Variants in SUFU observed in about 807,000 individuals in gnomAD.
The protein encoded by SUFU is suppressor of fused homolog.
A neutral mutation model predicts 58.9 loss-of-function variants in SUFU; 7 were observed. The observed-to-expected ratio is 0.12, with a 90% CI of 0.07 to 0.22. The LOEUF (loss-of-function observed/expected upper bound fraction) is 0.22, where lower values mean the gene tolerates loss of function less well. SUFU is among the 10% of genes least tolerant of loss of function. The pLI is 1.00. For synonymous variants in SUFU, 232 were observed against 254.8 expected, an observed-to-expected ratio of 0.91 and a Z score of 0.85; for missense variants, 451 against 641.3, an observed-to-expected ratio of 0.70 and a Z score of 3.20.
chr10:102,608,783 A>G (rs564972468), intron 8 of SUFU, among the ~76,000 whole-genome samples: 3 of 152,338 alleles, frequency 2.0e-5, no homozygotes, highest in African/African-American at 7.2e-5. Context: ...TGGCTTACAC[A>G]AAATGAAACC....
At chr10:102,599,642 C>T in intron 8 of SUFU, 98 bp downstream of exon 8, 1 of 1,055,864 alleles carries the variant, frequency 9.5e-7, no homozygotes, top group South Asian at 1.3e-5. Context: ...TGCACATAGC[C>T]CTTGCTGGAT....
intron 4 of SUFU, among the ~76,000 whole-genome samples, chr10:102,593,417 G>A (rs2063424401): frequency 6.6e-6 from 1 of 152,168 alleles, no homozygotes; most frequent in African/African-American, 2.4e-5. Flanking sequence ...GCAAGGGCAA[G>A]GGTCAGGCCT....
intron 2 of SUFU, among the ~76,000 whole-genome samples, chr10:102,545,860 G>A (rs2062849670): frequency 1.3e-5 from 2 of 152,188 alleles, no homozygotes; most frequent in Admixed American, 1.3e-4. Flanking sequence ...TGTAATCCCA[G>A]CTACTCAGGA....
At chr10:102,594,883 T>A (rs2063445838) in intron 6 of SUFU, among the ~76,000 whole-genome samples, 1 of 152,106 alleles carries the variant, frequency 6.6e-6, no homozygotes, top group African/African-American at 2.4e-5. Flanking sequence ...CACGCCCAGA[T>A]AATTTTTTGT....
chr10:102,591,793 T>G (rs1416493771), intron 3 of SUFU, among the ~76,000 whole-genome samples: 1 of 152,126 alleles, frequency 6.6e-6, no homozygotes, highest in Admixed American at 6.5e-5. Flanking sequence ...GTGAGAGACT[T>G]AGTACCCTGT....
intron 8 of SUFU, among the ~76,000 whole-genome samples, chr10:102,608,364 A>G (rs946789054): frequency 6.6e-6 from 1 of 152,138 alleles, no homozygotes. Flanking sequence ...CTAAAAAAGA[A>G]AAAAGAAAAA....
chr10:102,506,215 A>G (rs2062324997), intron 1 of SUFU, among the ~76,000 whole-genome samples: 1 of 152,172 alleles, frequency 6.6e-6, no homozygotes, highest in Non-Finnish European at 1.5e-5. Flanking sequence ...AGCATGTGCA[A>G]AGGACTAAGG....
chr10:102,556,886 T>C (rs2062986172), intron 3 of SUFU, among the ~76,000 whole-genome samples: 1 of 151,678 alleles, frequency 6.6e-6, no homozygotes, highest in African/African-American at 2.4e-5. Flanking sequence ...GGTTAGGAGT[T>C]CGAAACCAGC....
intron 2 of SUFU, among the ~76,000 whole-genome samples, chr10:102,549,058 T>C (rs2062882355): frequency 6.6e-6 from 1 of 152,054 alleles, no homozygotes; most frequent in African/African-American, 2.4e-5. Flanking sequence ...CCACCCAGTA[T>C]TTGGAATCTG....
At chr10:102,505,021 T>C (rs2135601244) in intron 1 of SUFU, among the ~76,000 whole-genome samples, 1 of 152,328 alleles carries the variant, frequency 6.6e-6, no homozygotes, top group African/African-American at 2.4e-5. Flanking sequence ...AGCTTCCTCC[T>C]AGCTCTGCAG....
chr10:102,575,083 G>T (rs1177719428), intron 3 of SUFU, among the ~76,000 whole-genome samples: 1 of 151,784 alleles, frequency 6.6e-6, no homozygotes, highest in Non-Finnish European at 1.5e-5. Context: ...AGGCATGGTG[G>T]TGTGCCTGTA....
chr10:102,530,174 C>T (rs1021940867), intron 2 of SUFU, among the ~76,000 whole-genome samples: 2 of 152,098 alleles, frequency 1.3e-5, no homozygotes, highest in African/African-American at 2.4e-5. Context: ...GCTTCCACAG[C>T]GTGTATTCTC....
At chr10:102,580,363 A>G (rs928854949) in intron 3 of SUFU, among the ~76,000 whole-genome samples, 1 of 152,136 alleles carries the variant, frequency 6.6e-6, no homozygotes, top group African/African-American at 2.4e-5. Flanking sequence ...CTGTTTATAC[A>G]TCATTGTATT....
Position 102,619,327 on chromosome 10 carries a change from C to T in SUFU, c.1296+1899C>T, listed in dbSNP as rs2063720111. The T allele has an allele frequency of 2.8e-6, 4 of 1,431,794 alleles. No individual in the cohort carries two copies. Among genetic ancestry groups the T allele is most frequent in the Non-Finnish European group, 3.6e-6 (4 of 1,096,306 alleles). The allele number at this position is 1,431,794 out of a possible 1,614,324, so 88.7% of individuals were successfully genotyped here. A position where few individuals can be genotyped will look rare whatever the true frequency, so the allele number is the denominator to read the frequency against. On this transcript the variant is annotated intron_variant, in intron 10 of 11. Coordinates refer to ENST00000369902, the MANE Select transcript of SUFU (RefSeq NM_016169.4). The surrounding 1 kb of genome is among the most constrained non-coding windows in gnomAD (Gnocchi z 4.2). Reference sequence around the variant, plus strand: ...CCTCCCTGGCAGCCCCTCAGCGAGCCTGAGGCCCAGCACCCGCTGGCTCCC... The same window carrying T: ...CCTCCCTGGCAGCCCCTCAGCGAGCTTGAGGCCCAGCACCCGCTGGCTCCC...
intron 8 of SUFU, among the ~76,000 whole-genome samples, chr10:102,601,900 TAGTC>T (rs1241093719): frequency 8.5e-5 from 13 of 152,202 alleles, no homozygotes; most frequent in Non-Finnish European, 7.3e-5. Context: ...GATTTCCCCT[TAGTC>T]AGGACTTCTG....
intron 8 of SUFU, among the ~76,000 whole-genome samples, chr10:102,601,842 T>A (rs1229186944): frequency 6.6e-6 from 1 of 152,202 alleles, no homozygotes. Flanking sequence ...TTTGCTCCTC[T>A]CCCTGTTGGG....
At chr10:102,562,352 G>A (rs1173291619) in intron 3 of SUFU, among the ~76,000 whole-genome samples, 2 of 151,906 alleles carry the variant, frequency 1.3e-5, no homozygotes, top group Non-Finnish European at 2.9e-5. Context: ...GTGGAACCAC[G>A]TCTCTACTAA....
Position 102,549,966 on chromosome 10 carries a change from T to C in SUFU, c.318-4T>C. ...TTAAAACACTTGCTTTTTATGTCTT[T>C]CAGGTTTACAGGAACAGATGGACCT... On this transcript the variant is annotated splice_region_variant and splice_polypyrimidine_tract_variant and intron_variant, in intron 2 of 11. Transcript: ENST00000369902. The C allele has an allele frequency of 6.2e-7, 1 of 1,614,234 alleles. No individual in the cohort carries two copies. Among genetic ancestry groups the C allele is most frequent in the Non-Finnish European group, 8.5e-7 (1 of 1,180,032 alleles).
intron 8 of SUFU, 97 bp downstream of exon 8, chr10:102,599,641 C>G: frequency 9.4e-7 from 1 of 1,060,746 alleles, no homozygotes. Context: ...ATGCACATAG[C>G]CCTTGCTGGA....
Sources: allele counts gnomAD v4.1 joint callset (sites outside exome capture counted in the v4.1 genomes callset), GRCh38; gene constraint gnomAD v4.1.1; non-coding constraint Gnocchi (gnomAD v3.1); transcripts MANE v1.5; gene names NCBI Gene and HGNC (gene_info 2026-07-23, HGNC 2026-07-21).